Variants in MTARC1 observed in about 807,000 individuals in gnomAD.
MTARC1 encodes mitochondrial amidoxime reducing component 1.
MTARC1 carries 24 observed loss-of-function variants against 33.6 expected under a neutral mutation model. The observed-to-expected ratio is 0.72, with a 90% CI of 0.52 to 1.01. The LOEUF (loss-of-function observed/expected upper bound fraction) is 1.01, where lower values mean the gene tolerates loss of function less well. MTARC1 is among the 50% of genes least tolerant of loss of function. The probability of loss-of-function intolerance (pLI) is 0.00; values close to 1 mark genes in which losing one functional copy is unlikely to be tolerated. For synonymous variants in MTARC1, 187 were observed against 189.5 expected, an observed-to-expected ratio of 0.99 and a Z score of 0.11; for missense variants, 417 against 445.7, an observed-to-expected ratio of 0.94 and a Z score of 0.58.
chr1:220,808,973 G>T, intron 6 of MTARC1: 1 of 446,610 alleles, frequency 2.2e-6, no homozygotes. Flanking sequence ...TACTGCATGG[G>T]TACTCAAAAA....
chr1:220,788,768 A>G (rs1672321433), intron 1 of MTARC1, among the ~76,000 whole-genome samples: 1 of 149,584 alleles, frequency 6.7e-6, no homozygotes, highest in Non-Finnish European at 1.5e-5. Context: ...ACTGCACTCC[A>G]GTCTGAGCGA....
chr1:220,798,986 G>C (rs883847), intron 4 of MTARC1: 381,077 of 984,842 alleles, frequency 0.39, 74,443 homozygotes, highest in East Asian at 0.59. Context: ...TGTGACGGCT[G>C]GTTTCAGCTT....
chr1:220,794,773 G>C (rs1345663423), intron 2 of MTARC1, among the ~76,000 whole-genome samples: 3 of 152,074 alleles, frequency 2.0e-5, no homozygotes, highest in Non-Finnish European at 2.9e-5. Flanking sequence ...TTACTTCATA[G>C]GCCTTGGGTG....
intron 6 of MTARC1, among the ~76,000 whole-genome samples, chr1:220,812,139 A>T (rs901400814): frequency 2.0e-5 from 3 of 152,174 alleles, no homozygotes; most frequent in African/African-American, 7.2e-5. Context: ...GACCTGGAGG[A>T]GGAGCATCCC....
intron 6 of MTARC1, among the ~76,000 whole-genome samples, chr1:220,807,323 C>CTGT (rs1218966629): frequency 6.6e-6 from 1 of 152,166 alleles, no homozygotes; most frequent in Non-Finnish European, 1.5e-5. Flanking sequence ...TGGCTCATGC[C>CTGT]TGTAATCCCA....
At chr1:220,803,591 G>A (rs1042742884) in intron 4 of MTARC1, among the ~76,000 whole-genome samples, 7 of 152,108 alleles carry the variant, frequency 4.6e-5, no homozygotes, top group Non-Finnish European at 8.8e-5. Flanking sequence ...CGTGTGCTCT[G>A]AGCCTCTCCC....
chr1:220,808,990 C>T (rs889453764), intron 6 of MTARC1: 53 of 445,632 alleles, frequency 1.2e-4, no homozygotes, highest in Admixed American at 9.0e-4. Context: ...AAAAAAAAAA[C>T]GTTTTGCTGG....
At chr1:220,796,271 G>A (rs1176170387) in intron 2 of MTARC1, among the ~76,000 whole-genome samples, 6 of 152,218 alleles carry the variant, frequency 3.9e-5, no homozygotes, top group Non-Finnish European at 7.4e-5. Flanking sequence ...CTATTCAGCT[G>A]GGTGAACTAG....
At chr1:220,805,299 T>C in intron 6 of MTARC1, 25 bp downstream of exon 6, 1 of 1,612,180 alleles carries the variant, frequency 6.2e-7, no homozygotes, top group Non-Finnish European at 8.5e-7. Flanking sequence ...ACGGGGCTCA[T>C]CCTCGGGTTT....
At chr1:220,787,446 G>T (rs1259867020) in intron 1 of MTARC1, among the ~76,000 whole-genome samples, 1 of 152,160 alleles carries the variant, frequency 6.6e-6, no homozygotes, top group Non-Finnish European at 1.5e-5. Flanking sequence ...GTTTTCCCGG[G>T]GTGGGCGGAT....
Position 220,815,745 on chromosome 1 carries a change from A to G in MTARC1, c.*2327A>G, listed in dbSNP as rs981608894. On this transcript the variant is annotated 3_prime_UTR_variant, in exon 7 of 7. Coordinates refer to ENST00000366910, the MANE Select transcript of MTARC1 (RefSeq NM_022746.4). ...TTCCACTTGAAATATAGAATCAGGA[A>G]TGTAGGCCATCCCAGACTTTCAGAT... 6.6e-6 allele frequency: 1 copy of G among 152,236 alleles called. No homozygotes were observed. The highest frequency in any genetic ancestry group is 1.5e-5 in the Non-Finnish European group (1 of 68,044). 9.4% of individuals were successfully genotyped at this position (152,236 alleles called of 1,614,324 possible).
At chr1:220,813,234 C>T in intron 6 of MTARC1, 58 bp from the exon 7 acceptor site, 2 of 1,611,670 alleles carry the variant, frequency 1.2e-6, no homozygotes, top group South Asian at 2.2e-5. Context: ...AAGCCACGTG[C>T]TGGTTGAGCT....
rs760044295 is a variant in MTARC1, at chr1:220,800,308, C to T, written c.753+2294C>T. ...TTGTTTTTAGTAATTCACCCATCATCGAGTGGGTTGCTGCCCCTGTGTGGC... is the reference window on the plus strand; with the variant it reads ...TTGTTTTTAGTAATTCACCCATCATTGAGTGGGTTGCTGCCCCTGTGTGGC... On this transcript the variant is annotated intron_variant, in intron 4 of 6. Coordinates refer to ENST00000366910, the MANE Select transcript of MTARC1 (RefSeq NM_022746.4). Among the ~76,000 whole-genome samples the T allele has an allele frequency of 4.6e-5, 7 of 152,192 alleles. 1 individual carries two copies. The highest frequency in any genetic ancestry group is 6.5e-5 in the Admixed American group (1 of 15,290).
At chr1:220,789,744 A>G (rs1672365173) in intron 1 of MTARC1, among the ~76,000 whole-genome samples, 1 of 152,248 alleles carries the variant, frequency 6.6e-6, no homozygotes, top group African/African-American at 2.4e-5. Flanking sequence ...AAAAGGAATG[A>G]AGTTCTGATA....
At chr1:220,787,415 G>T (rs1672269823) in intron 1 of MTARC1, among the ~76,000 whole-genome samples, 196 bp downstream of exon 1, 1 of 152,184 alleles carries the variant, frequency 6.6e-6, no homozygotes, top group South Asian at 2.1e-4. Flanking sequence ...CAGGGCTCTG[G>T]GACTCTGAGC....
intron 2 of MTARC1, among the ~76,000 whole-genome samples, chr1:220,795,100 T>A (rs1672566245): frequency 6.6e-6 from 1 of 152,206 alleles, no homozygotes; most frequent in Non-Finnish European, 1.5e-5. Context: ...AGAGAATGGA[T>A]GCTTTTGTTG....
rs72472328 is a variant in MTARC1 at position 220,802,957 on chromosome 1, A to T, written c.754-2095A>T. Among the ~76,000 whole-genome samples, 492 of 152,312 alleles carry T rather than the reference A, an allele frequency of 3.2e-3. 1 individual carries two copies. Among genetic ancestry groups the T allele is most frequent in the African/African-American group, 9.1e-3 (378 of 41,568 alleles). On this transcript the variant is annotated intron_variant, in intron 4 of 6. Transcript: ENST00000366910. ...GCTCAGAAGCCTTTAGTGGCTCTCC[A>T]TGTCACAAAGGTCCAAACTTCCCAC...
rs1405073082 is a variant in MTARC1 at position 220,813,871 on chromosome 1, C to A, written c.*453C>A. The A allele has an allele frequency of 6.3e-6, 1 of 158,260 alleles. No individual in the cohort carries two copies. The highest frequency in any genetic ancestry group is 2.4e-5 in the African/African-American group (1 of 41,518). The allele number at this position is 158,260 out of a possible 1,614,324, so 9.8% of individuals were successfully genotyped here. ...GTACGCAATGAAAATTAAATTGCAC[C>A]CCAAATATGGCTGGAATGCCACTTC... On this transcript the variant is annotated 3_prime_UTR_variant, in exon 7 of 7. Coordinates refer to ENST00000366910, the MANE Select transcript of MTARC1 (RefSeq NM_022746.4).
intron 6 of MTARC1, among the ~76,000 whole-genome samples, chr1:220,809,256 T>C (rs747143278): frequency 7.9e-5 from 12 of 152,186 alleles, no homozygotes; most frequent in African/African-American, 1.7e-4. Context: ...AGGCAAGATA[T>C]AGGATTTTTA....
Sources: gnomAD v4.1 joint callset for allele counts (sites outside exome capture counted in the v4.1 genomes callset) on GRCh38, gnomAD v4.1.1 for gene constraint, MANE v1.5 for transcripts, NCBI Gene and HGNC (gene_info 2026-07-23, HGNC 2026-07-21) for gene names.